Variants in BTBD9 observed in about 807,000 individuals in gnomAD.
BTBD9 encodes BTB/POZ domain-containing protein 9.
In BTBD9, 49 loss-of-function variants were observed where a neutral mutation model predicts 64.3. That is an observed-to-expected ratio of 0.76 (90% CI 0.61 to 0.97). The LOEUF (loss-of-function observed/expected upper bound fraction) is 0.97. BTBD9 is among the 50% of genes least tolerant of loss of function. BTBD9 has a pLI of 0.00. For synonymous variants in BTBD9, 260 were observed against 274.7 expected (o/e 0.95, Z 0.53); for missense variants, 598 against 762.1 (o/e 0.78, Z 2.53).
intron 7 of BTBD9, among the ~76,000 whole-genome samples, chr6:38,290,352 A>T (rs1297339891): frequency 6.6e-6 from 1 of 151,722 alleles, no homozygotes; most frequent in Non-Finnish European, 1.5e-5. Flanking sequence ...CTATATTTAG[A>T]AGGTAAGTTA....
At chr6:38,261,293 T>C (rs2127538077) in intron 8 of BTBD9, among the ~76,000 whole-genome samples, 1 of 152,304 alleles carries the variant, frequency 6.6e-6, no homozygotes, top group South Asian at 2.1e-4. Flanking sequence ...AATGATTCTG[T>C]AAGTGAAACT....
At chr6:38,306,768 G>T (rs750994193) in intron 7 of BTBD9, among the ~76,000 whole-genome samples, 7 of 152,318 alleles carry the variant, frequency 4.6e-5, no homozygotes, top group Non-Finnish European at 1.0e-4. Flanking sequence ...TGTCTCCAGA[G>T]ATCACTTTTG....
At chr6:38,390,889 G>C (rs1562117665) in intron 6 of BTBD9, among the ~76,000 whole-genome samples, 1 of 152,152 alleles carries the variant, frequency 6.6e-6, no homozygotes, top group Non-Finnish European at 1.5e-5. Flanking sequence ...ATTCCTTTTG[G>C]AAATTGCACT....
intron 6 of BTBD9, among the ~76,000 whole-genome samples, chr6:38,508,418 T>C (rs1262633797): frequency 6.6e-6 from 1 of 152,152 alleles, no homozygotes; most frequent in African/African-American, 2.4e-5. Context: ...CCAAGTTCAG[T>C]GTGTTCTACA....
chr6:38,524,495 A>C (rs990154093), intron 6 of BTBD9, among the ~76,000 whole-genome samples: 1 of 152,212 alleles, frequency 6.6e-6, no homozygotes, highest in Admixed American at 6.5e-5. Context: ...TTATTTAACA[A>C]ATGAATGAGC....
chr6:38,433,451 C>T (rs887739317), intron 6 of BTBD9, among the ~76,000 whole-genome samples: 3 of 151,950 alleles, frequency 2.0e-5, no homozygotes, highest in Non-Finnish European at 2.9e-5. Context: ...GTGATTTGTT[C>T]CTGCCCCACC....
chr6:38,224,520 C>T (rs1229646923), intron 9 of BTBD9, among the ~76,000 whole-genome samples: 1 of 152,176 alleles, frequency 6.6e-6, no homozygotes, highest in African/African-American at 2.4e-5. Context: ...GAACCTCACA[C>T]AAAGGCTTTT....
chr6:38,259,172 G>A (rs1452813253), intron 8 of BTBD9, among the ~76,000 whole-genome samples: 2 of 152,170 alleles, frequency 1.3e-5, no homozygotes, highest in East Asian at 1.9e-4. Flanking sequence ...GCCCATTTCT[G>A]TAATCCCACT....
chr6:38,463,088 G>A (rs969223690), intron 6 of BTBD9, among the ~76,000 whole-genome samples: 3 of 152,304 alleles, frequency 2.0e-5, no homozygotes, highest in East Asian at 1.9e-4. Flanking sequence ...GAGCCGATGC[G>A]CCTGGCCTTG....
At chr6:38,461,215 C>A (rs995090450) in intron 6 of BTBD9, among the ~76,000 whole-genome samples, 6 of 152,154 alleles carry the variant, frequency 3.9e-5, no homozygotes, top group African/African-American at 1.4e-4. Context: ...TTGAGATGAA[C>A]AATTTGTTAA....
chr6:38,336,455 C>T (rs1035176351), intron 7 of BTBD9, among the ~76,000 whole-genome samples: 6 of 152,160 alleles, frequency 3.9e-5, no homozygotes, highest in Admixed American at 3.9e-4. Flanking sequence ...AAGAAAGGCA[C>T]CTTCTTCACA....
At chr6:38,601,608 C>A (rs905369994) in intron 1 of BTBD9, among the ~76,000 whole-genome samples, 1 of 152,036 alleles carries the variant, frequency 6.6e-6, no homozygotes, top group South Asian at 2.1e-4. Flanking sequence ...ATCACTTGAG[C>A]CCAGGAGTTA....
intron 6 of BTBD9, among the ~76,000 whole-genome samples, chr6:38,508,211 T>G (rs183461067): frequency 1.3e-5 from 2 of 152,156 alleles, no homozygotes; most frequent in Non-Finnish European, 2.9e-5. Flanking sequence ...ACAACTCTAT[T>G]TAGATGTCTT....
intron 6 of BTBD9, among the ~76,000 whole-genome samples, chr6:38,345,410 C>T (rs1764240990): frequency 6.6e-6 from 1 of 152,238 alleles, no homozygotes; most frequent in Non-Finnish European, 1.5e-5. Flanking sequence ...GACCGTAAGA[C>T]ATTTATACCG....
intron 6 of BTBD9, among the ~76,000 whole-genome samples, chr6:38,568,729 A>G (rs1775630489): frequency 6.6e-6 from 1 of 152,192 alleles, no homozygotes; most frequent in Non-Finnish European, 1.5e-5. Flanking sequence ...GAAATGTATT[A>G]TTTTTCTAAG....
At chr6:38,270,308 A>G (rs1300347448) in intron 8 of BTBD9, among the ~76,000 whole-genome samples, 1 of 152,198 alleles carries the variant, frequency 6.6e-6, no homozygotes, top group East Asian at 1.9e-4. Flanking sequence ...CCATGCAGCC[A>G]TCCAATGCAC....
intron 6 of BTBD9, among the ~76,000 whole-genome samples, chr6:38,359,724 T>C (rs1434390509): frequency 2.6e-5 from 4 of 152,168 alleles, no homozygotes; most frequent in African/African-American, 9.7e-5. Context: ...TGGGGGAAAG[T>C]TGAACCAGCC....
chr6:38,563,842 C>T (rs1775356200), intron 6 of BTBD9, among the ~76,000 whole-genome samples: 1 of 143,780 alleles, frequency 7.0e-6, no homozygotes, highest in Non-Finnish European at 1.5e-5. Context: ...AGTGCAGTGG[C>T]ACGATCTTGG....
At chr6:38,251,968 A>G (rs1035855989) in intron 9 of BTBD9, among the ~76,000 whole-genome samples, 8 of 152,136 alleles carry the variant, frequency 5.3e-5, no homozygotes, top group Non-Finnish European at 1.0e-4. Flanking sequence ...CTGTATGAAG[A>G]AAGAGGGGTA....
Sources: allele counts gnomAD v4.1 joint callset (sites outside exome capture counted in the v4.1 genomes callset), GRCh38; gene constraint gnomAD v4.1.1; transcripts MANE v1.5; gene names NCBI Gene and HGNC (gene_info 2026-07-23, HGNC 2026-07-21).